The following ANGPT1 variants were observed in gnomAD, a reference collection of about 807,000 sequenced individuals.
ANGPT1 encodes the protein angiopoietin-1.
In ANGPT1, 17 loss-of-function variants were observed where a neutral mutation model predicts 62.2. That is an observed-to-expected ratio of 0.27 (90% CI 0.19 to 0.41). The LOEUF (loss-of-function observed/expected upper bound fraction) is 0.41, where lower values mean the gene tolerates loss of function less well. Among genes scored for constraint, ANGPT1 ranks in the 10% least tolerant of loss-of-function variants. The probability of loss-of-function intolerance (pLI) is 1.00; values close to 1 mark genes in which losing one functional copy is unlikely to be tolerated. For missense variants in ANGPT1, 478 were observed against 594.9 expected (o/e 0.80, Z 2.04); for synonymous variants, 199 against 198.9 (o/e 1.00, Z 0.00).
At chr8:107,434,977 A>G (rs891954100) in intron 1 of ANGPT1, among the ~76,000 whole-genome samples, 1 of 152,190 alleles carries the variant, frequency 6.6e-6, no homozygotes, top group Non-Finnish European at 1.5e-5. Flanking sequence ...TTTGCCCTTT[A>G]GTGATTCTCT....
At chr8:107,385,286 G>C (rs1205414583) in intron 1 of ANGPT1, among the ~76,000 whole-genome samples, 1 of 152,014 alleles carries the variant, frequency 6.6e-6, no homozygotes, top group Non-Finnish European at 1.5e-5. Flanking sequence ...TTCTACTTGT[G>C]TGTGTCATCT....
chr8:107,493,271 CACA>C (rs1174831627), intron 1 of ANGPT1, among the ~76,000 whole-genome samples: 1 of 150,328 alleles, frequency 6.7e-6, no homozygotes, highest in African/African-American at 2.5e-5. Flanking sequence ...AAACAACCAC[CACA>C]ACAACTTTGA....
At chr8:107,319,225 T>A (rs757509308) in intron 4 of ANGPT1, among the ~76,000 whole-genome samples, 49 of 152,166 alleles carry the variant, frequency 3.2e-4, no homozygotes, top group Non-Finnish European at 5.3e-4. Flanking sequence ...ACTTTATACA[T>A]GATGAGACAG....
intron 1 of ANGPT1, among the ~76,000 whole-genome samples, chr8:107,388,065 T>A (rs576564944): frequency 5.3e-4 from 80 of 151,708 alleles, no homozygotes; most frequent in Non-Finnish European, 1.0e-3. Flanking sequence ...TATAATGAGA[T>A]GAAAATTTTT....
At chr8:107,310,670 T>C (rs990672695) in intron 4 of ANGPT1, among the ~76,000 whole-genome samples, 1 of 152,118 alleles carries the variant, frequency 6.6e-6, no homozygotes, top group African/African-American at 2.4e-5. Flanking sequence ...AGCAGAAAAG[T>C]GAAGCCGTGA....
At chr8:107,282,553 C>A (rs1394601141) in intron 7 of ANGPT1, among the ~76,000 whole-genome samples, 3 of 51,070 alleles carry the variant, frequency 5.9e-5, no homozygotes, top group African/African-American at 1.4e-4. Flanking sequence ...ATATATGAAC[C>A]ATATATATAT....
At chr8:107,442,240 C>CA (rs1811499490) in intron 1 of ANGPT1, among the ~76,000 whole-genome samples, 1 of 152,032 alleles carries the variant, frequency 6.6e-6, no homozygotes. Context: ...TATGACATCA[C>CA]AAAATACTTC....
At chr8:107,411,304 C>A (rs887694225) in intron 1 of ANGPT1, among the ~76,000 whole-genome samples, 8 of 152,036 alleles carry the variant, frequency 5.3e-5, no homozygotes, top group African/African-American at 1.7e-4. Context: ...TTTCAAAGAC[C>A]AGCTAAATAT....
At position 107,406,928 on chromosome 8, in the gene ANGPT1, A is replaced by T. The variant is rs565446276; in HGVS notation, c.298-59831T>A. ...ATTCTACATAAAGTCTACCTCCTTT[A>T]GGAAATTCCTTAAGTCAGTTTATAT... On this transcript the variant is annotated intron_variant, in intron 1 of 8. Transcript: ENST00000517746. 1.4e-4 allele frequency among the ~76,000 whole-genome samples: 20 copies of T among 148,142 alleles called. No homozygotes were observed. The South Asian group carries it at 4.0e-3, about 30-fold the overall frequency.
chr8:107,491,740 G>A (rs1261853900), intron 1 of ANGPT1, among the ~76,000 whole-genome samples: 2 of 152,180 alleles, frequency 1.3e-5, no homozygotes, highest in African/African-American at 4.8e-5. Flanking sequence ...GATCATATAA[G>A]ACCTCCTGGT....
At chr8:107,257,870 G>GTTTTTTTTTTTTTTTTTTTTTTTTTTT (rs750634420) in intron 8 of ANGPT1, among the ~76,000 whole-genome samples, 5 of 45,242 alleles carry the variant, frequency 1.1e-4, no homozygotes, top group Non-Finnish European at 1.8e-4. Flanking sequence ...CCAAGGACTT[G>GTTTTTTTTTTTTTTTTTTTTTTTTTTT]TTTTTGTTTC....
rs183183169 is a variant in ANGPT1 at position 107,264,069 on chromosome 8, C to T, written c.1336+152G>A. The T allele has an allele frequency of 4.8e-4, 423 of 887,158 alleles. 2 individuals carry two copies. In the South Asian group the frequency reaches 5.2e-3, roughly 11 times the overall value. The allele number at this position is 887,158 out of a possible 1,614,324, so 55.0% of individuals were successfully genotyped here. On this transcript the variant is annotated intron_variant, in intron 8 of 8. Coordinates refer to ENST00000517746, the MANE Select transcript of ANGPT1 (RefSeq NM_001146.5). ...ATGCTAGCAATGTCTTACACAAGAA[C>T]GCAGGGTAAATTCGTGGGCAGAACA... is the stretch of plus-strand genomic sequence containing the variant.
intron 4 of ANGPT1, among the ~76,000 whole-genome samples, chr8:107,315,368 A>C (rs770986612): frequency 6.6e-6 from 1 of 152,050 alleles, no homozygotes; most frequent in Non-Finnish European, 1.5e-5. Flanking sequence ...CCCTACTTAA[A>C]GTTGTTATCT....
chr8:107,355,182 G>A (rs530129906), intron 1 of ANGPT1, among the ~76,000 whole-genome samples: 14 of 152,078 alleles, frequency 9.2e-5, no homozygotes, highest in African/African-American at 2.7e-4. Flanking sequence ...GATTATAGGC[G>A]TGAGCCACTG....
At chr8:107,471,608 T>A (rs1046904165) in intron 1 of ANGPT1, among the ~76,000 whole-genome samples, 1 of 152,096 alleles carries the variant, frequency 6.6e-6, no homozygotes, top group Middle Eastern at 3.2e-3. Flanking sequence ...CCATAAACAT[T>A]AGAAAGTGTC....
intron 1 of ANGPT1, among the ~76,000 whole-genome samples, chr8:107,478,792 T>C (rs932339331): frequency 6.6e-6 from 1 of 152,132 alleles, no homozygotes; most frequent in Non-Finnish European, 1.5e-5. Context: ...ACATACAGCT[T>C]TTATAAATTG....
At chr8:107,273,509 G>A (rs1281680682) in intron 7 of ANGPT1, among the ~76,000 whole-genome samples, 1 of 151,894 alleles carries the variant, frequency 6.6e-6, no homozygotes, top group Non-Finnish European at 1.5e-5. Flanking sequence ...TCTGTTATAT[G>A]TAGCACAGTA....
At chr8:107,306,589 A>C (rs1276242588) in intron 4 of ANGPT1, among the ~76,000 whole-genome samples, 1 of 152,158 alleles carries the variant, frequency 6.6e-6, no homozygotes, top group Non-Finnish European at 1.5e-5. Flanking sequence ...CTGGACACCT[A>C]GGAAACATTC....
intron 1 of ANGPT1, among the ~76,000 whole-genome samples, chr8:107,462,782 C>G (rs563081551): frequency 3.3e-5 from 5 of 151,996 alleles, no homozygotes; most frequent in African/African-American, 4.8e-5. Flanking sequence ...AGAAAACAAC[C>G]GACTAACCAA....
Sources: gnomAD v4.1 joint callset for allele counts (sites outside exome capture counted in the v4.1 genomes callset) on GRCh38, gnomAD v4.1.1 for gene constraint, MANE v1.5 for transcripts, NCBI Gene and HGNC (gene_info 2026-07-23, HGNC 2026-07-21) for gene names.